The following GRK3 variants were observed in gnomAD, a reference collection of about 807,000 sequenced individuals.
The protein encoded by GRK3 is G protein-coupled receptor kinase 3.
A neutral mutation model predicts 95.7 loss-of-function variants in GRK3; 54 were observed. The ratio of observed to expected loss-of-function variants is 0.56; its 90% CI spans 0.45 to 0.71. The LOEUF is 0.71. GRK3 is among the 30% of genes least tolerant of loss of function. The probability of loss-of-function intolerance (pLI) is 0.00; values close to 1 mark genes in which losing one functional copy is unlikely to be tolerated. For synonymous variants in GRK3, 281 were observed against 290.8 expected, an observed-to-expected ratio of 0.97 and a Z score of 0.34; for missense variants, 649 against 851.2, an observed-to-expected ratio of 0.76 and a Z score of 2.96.
chr22:25,679,853 C>T (rs2085061759), intron 9 of GRK3, among the ~76,000 whole-genome samples: 1 of 152,060 alleles, frequency 6.6e-6, no homozygotes, highest in Non-Finnish European at 1.5e-5. Context: ...GAGAAATGTG[C>T]GAGACTTCTA....
At position 25,724,214 on chromosome 22, in the gene GRK3, A is replaced by T. The variant is rs910326616; in HGVS notation, c.*1764A>T. On this transcript the variant is annotated 3_prime_UTR_variant, in exon 21 of 21. Transcript: ENST00000324198. ...TGTCTTCCCAGCCCTGGTTAATTAT[A>T]GCTGTGACTGATGCCGTTCCCGTCT... The T allele has an allele frequency of 1.3e-5, 2 of 152,144 alleles. No individual in the cohort carries two copies. The highest frequency in any genetic ancestry group is 2.9e-5 in the Non-Finnish European group (2 of 68,082). The allele number at this position is 152,144 out of a possible 1,614,324, so 9.4% of individuals were successfully genotyped here. A position where few individuals can be genotyped will look rare whatever the true frequency, so the allele number is the denominator to read the frequency against.
intron 1 of GRK3, among the ~76,000 whole-genome samples, chr22:25,602,628 G>C (rs778942527): frequency 1.3e-5 from 2 of 152,212 alleles, no homozygotes; most frequent in Admixed American, 1.3e-4. Flanking sequence ...TTTGGCATTA[G>C]AAAGGAACGA....
At chr22:25,578,036 C>G (rs1931967635) in intron 1 of GRK3, among the ~76,000 whole-genome samples, 2 of 151,594 alleles carry the variant, frequency 1.3e-5, no homozygotes, top group African/African-American at 4.9e-5. Context: ...TGGTTAGAAC[C>G]AAGAATTTAA....
At position 25,652,112 on chromosome 22, in the gene GRK3, A is replaced by C. The variant is rs117477511; in HGVS notation, c.264+7447A>C. ...TCAATAGTGGACCTGCATGACAAGA[A>C]ATACTAAAGGGAGGTACTTTAGTCA... is the stretch of plus-strand genomic sequence containing the variant. On this transcript the variant is annotated intron_variant, in intron 3 of 20. Coordinates refer to ENST00000324198, the MANE Select transcript of GRK3 (RefSeq NM_005160.4). Among the ~76,000 whole-genome samples the C allele has an allele frequency of 2.3e-3, 355 of 152,354 alleles. 5 individuals are homozygous for C. The Middle Eastern group carries it at 0.027, about 12-fold the overall frequency.
intron 2 of GRK3, among the ~76,000 whole-genome samples, chr22:25,608,789 C>T (rs2084472457): frequency 6.6e-6 from 1 of 152,198 alleles, no homozygotes; most frequent in Non-Finnish European, 1.5e-5. Context: ...TGGTGAGACC[C>T]TAAGCAGAGA....
intron 3 of GRK3, among the ~76,000 whole-genome samples, chr22:25,650,534 T>C (rs898918247): frequency 1.3e-5 from 2 of 152,178 alleles, no homozygotes; most frequent in Non-Finnish European, 2.9e-5. Flanking sequence ...TTGAATGCAC[T>C]TTTGCTCATG....
chr22:25,674,884 GC>G (rs1481897774), intron 8 of GRK3, among the ~76,000 whole-genome samples: 6 of 152,172 alleles, frequency 3.9e-5, no homozygotes, highest in African/African-American at 1.2e-4. Flanking sequence ...GGGAGGCAGA[GC>G]TTGCAGTGAG....
intron 2 of GRK3, among the ~76,000 whole-genome samples, chr22:25,621,661 AT>A (rs994050922): frequency 6.6e-6 from 1 of 152,194 alleles, no homozygotes; most frequent in African/African-American, 2.4e-5. Flanking sequence ...AAGAATGGTT[AT>A]TTTTACATGG....
chr22:25,706,362 C>T (rs962231348), intron 15 of GRK3, among the ~76,000 whole-genome samples: 4 of 152,090 alleles, frequency 2.6e-5, no homozygotes, highest in Non-Finnish European at 5.9e-5. Flanking sequence ...ATCCCCCAGC[C>T]ACACACACTG....
At chr22:25,627,018 G>T (rs1009150309) in intron 2 of GRK3, among the ~76,000 whole-genome samples, 2 of 152,192 alleles carry the variant, frequency 1.3e-5, no homozygotes, top group Non-Finnish European at 2.9e-5. Flanking sequence ...CAGGGAAGAG[G>T]ATGCAAGGGC....
chr22:25,687,206 T>C (rs2085122846), intron 10 of GRK3, among the ~76,000 whole-genome samples: 1 of 151,856 alleles, frequency 6.6e-6, no homozygotes, highest in East Asian at 1.9e-4. Context: ...ACTCCATGGG[T>C]TGATTCACTT....
chr22:25,666,810 T>C (rs1327480686), intron 5 of GRK3, among the ~76,000 whole-genome samples: 1 of 152,198 alleles, frequency 6.6e-6, no homozygotes, highest in Non-Finnish European at 1.5e-5. Flanking sequence ...AAGGTTAAAT[T>C]TGGATCATTC....
chr22:25,640,670 T>A (rs1426099248), intron 2 of GRK3, among the ~76,000 whole-genome samples: 1 of 152,342 alleles, frequency 6.6e-6, no homozygotes, highest in Non-Finnish European at 1.5e-5. Context: ...TAGAAACCAC[T>A]TATATTTAAT....
intron 1 of GRK3, among the ~76,000 whole-genome samples, chr22:25,582,180 G>A (rs1932122898): frequency 2.0e-5 from 3 of 152,032 alleles, no homozygotes; most frequent in African/African-American, 7.2e-5. Context: ...AGGAGGCTGA[G>A]GCAGGAGAAT....
At chr22:25,675,009 A>G (rs2085016058) in intron 8 of GRK3, among the ~76,000 whole-genome samples, 1 of 151,916 alleles carries the variant, frequency 6.6e-6, no homozygotes, top group Non-Finnish European at 1.5e-5. Context: ...TGGAACCTCC[A>G]CCTCTTAGGG....
chr22:25,596,686 G>T (rs2146333320), intron 1 of GRK3, among the ~76,000 whole-genome samples: 1 of 152,244 alleles, frequency 6.6e-6, no homozygotes, highest in East Asian at 1.9e-4. Flanking sequence ...CTTGTAACTT[G>T]TTTGAAAAAT....
chr22:25,685,948 C>T (rs1193060105), intron 10 of GRK3, among the ~76,000 whole-genome samples: 11 of 150,802 alleles, frequency 7.3e-5, no homozygotes, highest in Non-Finnish European at 1.3e-4. Flanking sequence ...TAGCCGGGCA[C>T]GGTGGCTCAC....
At chr22:25,709,540 T>G (rs1420331849) in intron 15 of GRK3, among the ~76,000 whole-genome samples, 2 of 152,212 alleles carry the variant, frequency 1.3e-5, no homozygotes, top group African/African-American at 4.8e-5. Flanking sequence ...TTCTTTAATG[T>G]GTAGATATCC....
intron 2 of GRK3, among the ~76,000 whole-genome samples, chr22:25,635,059 A>G (rs2084690242): frequency 6.6e-6 from 1 of 152,230 alleles, no homozygotes; most frequent in Non-Finnish European, 1.5e-5. Context: ...CATGCAGACC[A>G]CGATGGCTTT....
Sources: allele counts gnomAD v4.1 joint callset (sites outside exome capture counted in the v4.1 genomes callset), GRCh38; gene constraint gnomAD v4.1.1; transcripts MANE v1.5; gene names NCBI Gene and HGNC (gene_info 2026-07-23, HGNC 2026-07-21).